The following NRXN1 variants were observed in gnomAD, a reference collection of about 807,000 sequenced individuals.
The protein encoded by NRXN1 is neurexin-1.
NRXN1 carries 39 observed loss-of-function variants against 150.9 expected under a neutral mutation model. That is an observed-to-expected ratio of 0.26 (90% CI 0.20 to 0.34). The LOEUF (loss-of-function observed/expected upper bound fraction) is 0.34, where lower values mean the gene tolerates loss of function less well. Ranked by LOEUF, NRXN1 falls within the 10% of genes least tolerant of loss-of-function variation. The probability of loss-of-function intolerance (pLI) is 1.00; values close to 1 mark genes in which losing one functional copy is unlikely to be tolerated. For missense variants in NRXN1, 1,815 were observed against 1,949.9 expected, an observed-to-expected ratio of 0.93 and a Z score of 1.30; for synonymous variants, 924 against 757.0, an observed-to-expected ratio of 1.22 and a Z score of -3.62.
At chr2:50,155,978 A>G (rs1310633353) in intron 18 of NRXN1, among the ~76,000 whole-genome samples, 3 of 151,694 alleles carry the variant, frequency 2.0e-5, no homozygotes, top group Non-Finnish European at 4.4e-5. Flanking sequence ...TGTTAACTTA[A>G]AAATCTAAGT....
chr2:50,049,696 G>A (rs1471188549), intron 21 of NRXN1, among the ~76,000 whole-genome samples: 1 of 152,058 alleles, frequency 6.6e-6, no homozygotes, highest in East Asian at 1.9e-4. Flanking sequence ...TTGTGGACAG[G>A]CAAAGGAAGG....
rs1410877314 is a variant in NRXN1 at position 50,463,001 on chromosome 2, T to A, written c.3364+2441A>T. Reference sequence around the variant, plus strand: ...TCTATTTTCTTTTTTGTTTTCTATGTAATTGGAGGCTGCAATCACAGAATT... The same window carrying A: ...TCTATTTTCTTTTTTGTTTTCTATGAAATTGGAGGCTGCAATCACAGAATT... On this transcript the variant is annotated intron_variant, in intron 17 of 22. Coordinates refer to ENST00000401669, the MANE Select transcript of NRXN1 (RefSeq NM_001330078.2). 2.6e-5 allele frequency among the ~76,000 whole-genome samples: 4 copies of A among 151,802 alleles called. No homozygotes were observed. In the East Asian group the frequency reaches 7.7e-4, roughly 29 times the overall value.
chr2:50,865,658 GTTTTTTTT>G (rs71404978), intron 5 of NRXN1, among the ~76,000 whole-genome samples: 19 of 41,864 alleles, frequency 4.5e-4, no homozygotes, highest in East Asian at 2.9e-3. Flanking sequence ...GCATTTGAAA[GTTTTTTTT>G]TTTTTTTTTT....
In NRXN1 at chr2:50,560,804, C is replaced by CT. The variant is rs201740177; in HGVS notation, c.1321-7780dup. Among the ~76,000 whole-genome samples the CT allele has an allele frequency of 5.7e-3, 861 of 152,144 alleles. 5 individuals are homozygous for CT. Among genetic ancestry groups the CT allele is most frequent in the African/African-American group, 0.02 (816 of 41,514 alleles). On this transcript the variant is annotated intron_variant, in intron 8 of 22. Transcript: ENST00000401669. ...TGTTTTGGGAAGGCAGCAAGTTGAT[C>CT]TTTTTTTCCCCTGATCTAATCTGAT...
chr2:50,856,413 A>G (rs1675279818), intron 5 of NRXN1, among the ~76,000 whole-genome samples: 1 of 152,052 alleles, frequency 6.6e-6, no homozygotes, highest in Admixed American at 6.6e-5. Flanking sequence ...AGGCACTTTC[A>G]AAACAACTTC....
chr2:50,512,707 G>C (rs2092495299), intron 12 of NRXN1, among the ~76,000 whole-genome samples: 2 of 152,238 alleles, frequency 1.3e-5, no homozygotes, highest in Admixed American at 1.3e-4. Context: ...GCCAAAGTCA[G>C]AGAGGGTAAA....
At chr2:50,896,007 T>C (rs1320675188) in intron 5 of NRXN1, among the ~76,000 whole-genome samples, 1 of 152,034 alleles carries the variant, frequency 6.6e-6, no homozygotes, top group African/African-American at 2.4e-5. Flanking sequence ...ATCTCGAAAT[T>C]CTCTCAAGCC....
intron 2 of NRXN1, among the ~76,000 whole-genome samples, chr2:50,953,913 T>C (rs141321374): frequency 9.7e-4 from 147 of 152,264 alleles, no homozygotes; most frequent in African/African-American, 2.9e-3. Context: ...ATATTGTAGA[T>C]AGGTTAAAAG....
chr2:50,827,198 G>C (rs1319592903), intron 5 of NRXN1, among the ~76,000 whole-genome samples: 2 of 152,194 alleles, frequency 1.3e-5, no homozygotes, highest in Non-Finnish European at 1.5e-5. Context: ...TGTTGAGGTC[G>C]ATGCGTATGA....
At chr2:50,646,052 C>T (rs1684769461) in intron 5 of NRXN1, among the ~76,000 whole-genome samples, 1 of 151,806 alleles carries the variant, frequency 6.6e-6, no homozygotes, top group Non-Finnish European at 1.5e-5. Context: ...AGGTCTAAAT[C>T]AGGTAGAAAA....
intron 19 of NRXN1, among the ~76,000 whole-genome samples, chr2:50,064,204 G>T (rs1172753492): frequency 6.6e-6 from 1 of 151,552 alleles, no homozygotes; most frequent in Non-Finnish European, 1.5e-5. Flanking sequence ...GATAAAATAT[G>T]TGTCTCTATA....
At chr2:50,626,532 T>C (rs1432564273) in intron 5 of NRXN1, among the ~76,000 whole-genome samples, 1 of 151,962 alleles carries the variant, frequency 6.6e-6, no homozygotes, top group Non-Finnish European at 1.5e-5. Flanking sequence ...AAAGATAGAT[T>C]AGTCAATAAA....
intron 5 of NRXN1, among the ~76,000 whole-genome samples, chr2:50,897,879 T>G (rs1682256925): frequency 6.6e-6 from 1 of 152,212 alleles, no homozygotes. Context: ...GTGTGCACTT[T>G]AAATGGGTTC....
In NRXN1 at chr2:50,050,159, C is replaced by CTTTTTT. The variant is rs35146990; in HGVS notation, c.4128+3106_4128+3111dup. Among the ~76,000 whole-genome samples the CTTTTTT allele has an allele frequency of 2.7e-4, 38 of 141,680 alleles. 1 individual carries two copies. Among genetic ancestry groups the CTTTTTT allele is most frequent in the Admixed American group, 7.1e-4 (10 of 14,158 alleles). 92.9% of individuals were successfully genotyped at this position (141,680 alleles called of 152,430 possible). On this transcript the variant is annotated intron_variant, in intron 21 of 22. Transcript: ENST00000401669. ...TTGATTATCATTCAAAGCAAAACTT[C>CTTTTTT]TTTTTTTTTTTTTTACTTTTAAAAG...
chr2:51,016,180 T>C (rs976374714), intron 2 of NRXN1, among the ~76,000 whole-genome samples: 1 of 152,086 alleles, frequency 6.6e-6, no homozygotes, highest in African/African-American at 2.4e-5. Context: ...GACAATATCA[T>C]TCAGGACACA....
At chr2:50,468,346 A>G (rs1280839876) in intron 16 of NRXN1, among the ~76,000 whole-genome samples, 1 of 151,552 alleles carries the variant, frequency 6.6e-6, no homozygotes, top group East Asian at 1.9e-4. Flanking sequence ...GCTGTATTTT[A>G]TTTTCATTAT....
intron 8 of NRXN1, among the ~76,000 whole-genome samples, chr2:50,574,716 G>A (rs1191390275): frequency 1.3e-5 from 2 of 152,150 alleles, no homozygotes; most frequent in Non-Finnish European, 2.9e-5. Context: ...ATGCTGTCAG[G>A]ATTTGCATTG....
At chr2:50,251,147 C>A (rs1347209038) in intron 17 of NRXN1, among the ~76,000 whole-genome samples, 1 of 151,284 alleles carries the variant, frequency 6.6e-6, no homozygotes, top group African/African-American at 2.4e-5. Flanking sequence ...GTATTGAGCC[C>A]CACATGTGTT....
chr2:50,873,472 A>T (rs1678098479), intron 5 of NRXN1, among the ~76,000 whole-genome samples: 1 of 151,840 alleles, frequency 6.6e-6, no homozygotes, highest in Non-Finnish European at 1.5e-5. Flanking sequence ...AAGATTAAGC[A>T]TCCAAGCTGA....
Sources: allele counts gnomAD v4.1 joint callset (sites outside exome capture counted in the v4.1 genomes callset), GRCh38; gene constraint gnomAD v4.1.1; transcripts MANE v1.5; gene names NCBI Gene and HGNC (gene_info 2026-07-23, HGNC 2026-07-21).